Variants in R3HDM2 observed in about 807,000 individuals in gnomAD.
R3HDM2 encodes R3H domain-containing protein 2.
R3HDM2 carries 38 observed loss-of-function variants against 124.5 expected under a neutral mutation model. The ratio of observed to expected loss-of-function variants is 0.31; its 90% CI spans 0.24 to 0.40. The LOEUF is 0.40. Ranked by LOEUF, R3HDM2 falls within the 10% of genes least tolerant of loss-of-function variation. The pLI is 1.00. For missense variants in R3HDM2, 869 were observed against 1,236.9 expected (o/e 0.70, Z 4.46); for synonymous variants, 391 against 448.0 (o/e 0.87, Z 1.61).
intron 2 of R3HDM2, among the ~76,000 whole-genome samples, chr12:57,395,330 C>T (rs542513796): frequency 1.3e-5 from 2 of 151,596 alleles, no homozygotes; most frequent in East Asian, 2.0e-4. Flanking sequence ...CACGGAGAAA[C>T]GCTGCCTCTA....
chr12:57,363,285 T>C (rs1243309374), intron 2 of R3HDM2, among the ~76,000 whole-genome samples: 1 of 148,760 alleles, frequency 6.7e-6, no homozygotes, highest in African/African-American at 2.6e-5. Flanking sequence ...ATAATTCATA[T>C]ACCATACAAT....
At chr12:57,304,904 G>A (rs1227331562) in intron 3 of R3HDM2, among the ~76,000 whole-genome samples, 3 of 152,162 alleles carry the variant, frequency 2.0e-5, no homozygotes, top group Non-Finnish European at 2.9e-5. Context: ...AAATATATTG[G>A]CTGGGGGCGG....
intron 1 of R3HDM2, among the ~76,000 whole-genome samples, chr12:57,397,204 A>T (rs561255752): frequency 6.6e-6 from 1 of 152,356 alleles, no homozygotes; most frequent in South Asian, 2.1e-4. Flanking sequence ...TTCTGTGAAT[A>T]TAAGTAGGCA....
intron 2 of R3HDM2, among the ~76,000 whole-genome samples, chr12:57,347,444 A>G (rs2060200628): frequency 6.6e-6 from 1 of 152,190 alleles, no homozygotes; most frequent in Non-Finnish European, 1.5e-5. Context: ...AAAATCCAAT[A>G]CTACAAAGGT....
intron 2 of R3HDM2, among the ~76,000 whole-genome samples, chr12:57,358,811 T>G (rs2061572261): frequency 6.6e-6 from 1 of 152,184 alleles, no homozygotes; most frequent in African/African-American, 2.4e-5. Context: ...TTACTTATTC[T>G]ACCAATTATT....
At chr12:57,336,831 A>G (rs934210758) in intron 2 of R3HDM2, among the ~76,000 whole-genome samples, 1 of 152,118 alleles carries the variant, frequency 6.6e-6, no homozygotes, top group Non-Finnish European at 1.5e-5. Context: ...TTAAAAAAAA[A>G]AAAAAAGAGG....
chr12:57,269,522 G>T, intron 15 of R3HDM2, 73 bp from the exon 16 acceptor site: 1 of 1,559,268 alleles, frequency 6.4e-7, no homozygotes, highest in Non-Finnish European at 8.7e-7. Context: ...TACTATAAAT[G>T]CCTCAAGATT....
intron 1 of R3HDM2, among the ~76,000 whole-genome samples, chr12:57,399,116 C>A (rs976460142): frequency 2.6e-5 from 4 of 152,178 alleles, no homozygotes; most frequent in Middle Eastern, 3.4e-3. Flanking sequence ...GTTCTATAAA[C>A]CTTTAGGCCA....
chr12:57,256,169 C>T (rs1592288314), intron 22 of R3HDM2, 95 bp from the exon 23 acceptor site: 16 of 1,222,074 alleles, frequency 1.3e-5, no homozygotes, highest in Non-Finnish European at 1.9e-5. Flanking sequence ...GTAGCACCAA[C>T]CCAGAGGACC....
At chr12:57,315,264 C>T (rs1190364765) in intron 2 of R3HDM2, among the ~76,000 whole-genome samples, 1 of 152,136 alleles carries the variant, frequency 6.6e-6, no homozygotes. Flanking sequence ...TCTCCAACTC[C>T]TGACCTCAGG....
chr12:57,387,303 G>A (rs1183944889), intron 2 of R3HDM2, among the ~76,000 whole-genome samples: 1 of 152,086 alleles, frequency 6.6e-6, no homozygotes, highest in Non-Finnish European at 1.5e-5. Context: ...CACCGCAAAG[G>A]TCTGTAGCTT....
chr12:57,299,299 AAAAGT>A lies in R3HDM2; in HGVS notation c.421+48_421+52del, dbSNP rs2050592834. ...GCTGGCAGGTGCCAGGCTTCAGGAT[AAAAGT>A]AAAGGGCACTGCCCTAGAACAGATG... is the stretch of plus-strand genomic sequence containing the variant. On this transcript the variant is annotated intron_variant, in intron 6 of 23. Coordinates refer to ENST00000402412, the MANE Select transcript of R3HDM2 (RefSeq NM_001394031.1). 4.0e-6 allele frequency: 6 copies of A among 1,492,846 alleles called. No homozygotes were observed. The Admixed American group carries it at 1.2e-4, about 31-fold the overall frequency. The allele number at this position is 1,492,846 out of a possible 1,614,324, so 92.5% of individuals were successfully genotyped here.
chr12:57,285,053 C>A lies in R3HDM2; in HGVS notation c.939-997G>T, dbSNP rs116208046. Among the ~76,000 whole-genome samples the A allele has an allele frequency of 2.0e-3, 310 of 152,196 alleles. 1 individual carries two copies. Among genetic ancestry groups the A allele is most frequent in the African/African-American group, 7.2e-3 (299 of 41,512 alleles). On this transcript the variant is annotated intron_variant, in intron 12 of 23. Transcript: ENST00000402412. ...CCAACAACTAATGACCTAAGGAAAC[C>A]AAATGACAACAATTACAAAGATTTT...
intron 1 of R3HDM2, among the ~76,000 whole-genome samples, chr12:57,413,547 C>T (rs181738276): frequency 2.6e-5 from 4 of 151,590 alleles, no homozygotes; most frequent in African/African-American, 4.8e-5. Context: ...ACCAGCCTGA[C>T]CAACATGGTG....
chr12:57,316,809 G>C (rs1422068284), intron 2 of R3HDM2, among the ~76,000 whole-genome samples: 1 of 151,122 alleles, frequency 6.6e-6, no homozygotes, highest in Non-Finnish European at 1.5e-5. Flanking sequence ...GAGTGCAGTG[G>C]TGTGATCTTG....
intron 10 of R3HDM2, among the ~76,000 whole-genome samples, 188 bp from the exon 11 acceptor site, chr12:57,292,855 G>C (rs2048920168): frequency 6.6e-6 from 1 of 152,146 alleles, no homozygotes; most frequent in Non-Finnish European, 1.5e-5. Flanking sequence ...TGGGAGATCA[G>C]GTTTTCTGGA....
chr12:57,299,371 T>C lies in R3HDM2; in HGVS notation c.402A>G (p.Pro134=), dbSNP rs982094366. 1.3e-6 allele frequency: 2 copies of C among 1,549,722 alleles called. No homozygotes were observed. The highest frequency in any genetic ancestry group is 1.7e-6 in the Non-Finnish European group (2 of 1,144,784). The change falls in exon 6 of 24, where the codon CCA becomes CCG. Residue 134 remains proline, a synonymous_variant. Coordinates refer to ENST00000402412, the MANE Select transcript of R3HDM2 (RefSeq NM_001394031.1). ...CCTTACCTCTGGACAGCATCTTCCT[T>C]GGGATCTTTTCTTTGTTTTTGTCCT... ...EDKDKNKEKI[P]RKMLSRDSSQ... is the part of the protein sequence containing the mutation.
chr12:57,361,671 A>G (rs2061982626), intron 2 of R3HDM2, among the ~76,000 whole-genome samples: 1 of 152,054 alleles, frequency 6.6e-6, no homozygotes, highest in East Asian at 1.9e-4. Flanking sequence ...CCTGGGTGAC[A>G]AAGTGAGACT....
chr12:57,273,349 A>C (rs572691841), intron 14 of R3HDM2, among the ~76,000 whole-genome samples: 1 of 152,350 alleles, frequency 6.6e-6, no homozygotes, highest in South Asian at 2.1e-4. Flanking sequence ...GAGTGTTCTA[A>C]ATCAACTAGT....
Sources: gnomAD v4.1 joint callset for allele counts (sites outside exome capture counted in the v4.1 genomes callset) on GRCh38, gnomAD v4.1.1 for gene constraint, MANE v1.5 for transcripts, NCBI Gene and HGNC (gene_info 2026-07-23, HGNC 2026-07-21) for gene names.